The following PARD3 variants were observed in gnomAD, a reference collection of about 807,000 sequenced individuals.
The protein encoded by PARD3 is partitioning defective 3 homolog.
PARD3 carries 75 observed loss-of-function variants against 155.4 expected under a neutral mutation model. That is an observed-to-expected ratio of 0.48 (90% CI 0.40 to 0.58). The LOEUF (loss-of-function observed/expected upper bound fraction) is 0.58, where lower values mean the gene tolerates loss of function less well. Among genes scored for constraint, PARD3 ranks in the 20% least tolerant of loss-of-function variants. The pLI is 0.00. For missense variants in PARD3, 1,642 were observed against 1,721.7 expected (o/e 0.95, Z 0.82); for synonymous variants, 576 against 610.5 (o/e 0.94, Z 0.83).
At chr10:34,681,836 C>T (rs2133348271) in intron 2 of PARD3, among the ~76,000 whole-genome samples, 1 of 121,894 alleles carries the variant, frequency 8.2e-6, no homozygotes, top group African/African-American at 3.1e-5. Flanking sequence ...GCCCAGGCTG[C>T]CCTCAAACTC....
At chr10:34,364,058 G>C (rs10827356) in intron 12 of PARD3, among the ~76,000 whole-genome samples, 90,318 of 151,992 alleles carry the variant, frequency 0.59, 28,863 homozygotes, top group African/African-American at 0.85. Flanking sequence ...CCTTCTTCCC[G>C]AAATCACAGT....
intron 22 of PARD3, among the ~76,000 whole-genome samples, chr10:34,187,950 T>C (rs1168136500): frequency 6.6e-6 from 1 of 152,194 alleles, no homozygotes; most frequent in Non-Finnish European, 1.5e-5. Context: ...ACTAGCTGTC[T>C]GGGTAAATAT....
chr10:34,273,319 C>T (rs563585262), intron 21 of PARD3, among the ~76,000 whole-genome samples: 1 of 152,152 alleles, frequency 6.6e-6, no homozygotes, highest in African/African-American at 2.4e-5. Flanking sequence ...TACAAATGAA[C>T]AAACTACTGA....
intron 7 of PARD3, among the ~76,000 whole-genome samples, chr10:34,390,750 T>G (rs1304284478): frequency 6.6e-6 from 1 of 152,096 alleles, no homozygotes. Context: ...GCGTTTTCAA[T>G]ACATAATAGA....
intron 24 of PARD3, among the ~76,000 whole-genome samples, chr10:34,118,675 G>C (rs990260502): frequency 2.6e-5 from 4 of 152,058 alleles, no homozygotes; most frequent in African/African-American, 9.7e-5. Flanking sequence ...AATTGATCAA[G>C]ATCACTCTAC....
intron 3 of PARD3, among the ~76,000 whole-genome samples, chr10:34,475,983 A>G (rs2078681007): frequency 6.6e-6 from 1 of 152,170 alleles, no homozygotes; most frequent in Admixed American, 6.5e-5. Context: ...GCATAAAAGT[A>G]TTTCTCAAGA....
At chr10:34,447,928 T>G (rs894781604) in intron 5 of PARD3, among the ~76,000 whole-genome samples, 1 of 152,026 alleles carries the variant, frequency 6.6e-6, no homozygotes, top group African/African-American at 2.4e-5. Context: ...GTAAGAAGTC[T>G]CCTCAAAAAC....
intron 3 of PARD3, among the ~76,000 whole-genome samples, chr10:34,506,109 G>T (rs1372245336): frequency 2.6e-5 from 4 of 152,040 alleles, no homozygotes; most frequent in African/African-American, 9.7e-5. Context: ...CTGGGCAACA[G>T]AGGGAGACTC....
intron 2 of PARD3, among the ~76,000 whole-genome samples, chr10:34,689,134 G>T (rs1040955687): frequency 1.3e-5 from 2 of 152,182 alleles, no homozygotes; most frequent in East Asian, 3.8e-4. Flanking sequence ...ATTTAAGAGA[G>T]GTATAATGCT....
At chr10:34,624,076 T>C (rs544788200) in intron 2 of PARD3, among the ~76,000 whole-genome samples, 1 of 152,270 alleles carries the variant, frequency 6.6e-6, no homozygotes, top group East Asian at 1.9e-4. Flanking sequence ...CGTGATTGTG[T>C]GCACACGGCT....
chr10:34,358,218 A>G (rs200484951), intron 14 of PARD3, among the ~76,000 whole-genome samples: 1 of 152,200 alleles, frequency 6.6e-6, no homozygotes, highest in Non-Finnish European at 1.5e-5. Flanking sequence ...TCAAGCTCCA[A>G]TATTATCAAG....
intron 2 of PARD3, among the ~76,000 whole-genome samples, chr10:34,677,642 C>A (rs1263380161): frequency 2.0e-5 from 3 of 152,132 alleles, no homozygotes; most frequent in Admixed American, 2.0e-4. Flanking sequence ...ATCAGTATCA[C>A]ACATTTGAGC....
intron 1 of PARD3, among the ~76,000 whole-genome samples, chr10:34,721,151 T>C (rs1415257621): frequency 3.3e-5 from 5 of 152,318 alleles, no homozygotes; most frequent in Middle Eastern, 6.8e-3. Flanking sequence ...AGGAATATGA[T>C]ACAGAGACAG....
At chr10:34,324,035 A>G (rs1260834445) in intron 19 of PARD3, among the ~76,000 whole-genome samples, 1 of 152,260 alleles carries the variant, frequency 6.6e-6, no homozygotes, top group Non-Finnish European at 1.5e-5. Context: ...ATTTTAATCA[A>G]GGAGTGAGCT....
At chr10:34,398,932 A>G (rs557134287) in intron 7 of PARD3, among the ~76,000 whole-genome samples, 6 of 152,352 alleles carry the variant, frequency 3.9e-5, no homozygotes, top group African/African-American at 1.4e-4. Context: ...TAAAGCTTAA[A>G]TCAAATTTAA....
intron 2 of PARD3, among the ~76,000 whole-genome samples, chr10:34,583,041 T>C (rs569797285): frequency 4.6e-5 from 7 of 152,336 alleles, no homozygotes; most frequent in African/African-American, 1.4e-4. Context: ...TGCCAACTGC[T>C]TGACTTCTTT....
chr10:34,224,153 T>C (rs765475970), intron 22 of PARD3, among the ~76,000 whole-genome samples: 26 of 152,236 alleles, frequency 1.7e-4, no homozygotes, highest in Admixed American at 4.6e-4. Context: ...CGCCCTTATA[T>C]TCCTGTCTCA....
intron 22 of PARD3, among the ~76,000 whole-genome samples, chr10:34,247,849 C>A (rs916861955): frequency 1.3e-5 from 2 of 152,112 alleles, no homozygotes; most frequent in Non-Finnish European, 2.9e-5. Flanking sequence ...TCCTTTAAAC[C>A]TTAACTGTTT....
At chr10:34,506,009 C>T (rs951469563) in intron 3 of PARD3, among the ~76,000 whole-genome samples, 5 of 152,016 alleles carry the variant, frequency 3.3e-5, no homozygotes, top group Non-Finnish European at 7.4e-5. Flanking sequence ...GCCTGTAATC[C>T]CAGCTACTGG....
Sources: gnomAD v4.1 joint callset for allele counts (sites outside exome capture counted in the v4.1 genomes callset) on GRCh38, gnomAD v4.1.1 for gene constraint, MANE v1.5 for transcripts, NCBI Gene and HGNC (gene_info 2026-07-23, HGNC 2026-07-21) for gene names.